The following ATP10B variants were observed in gnomAD, a reference collection of about 807,000 sequenced individuals.
The protein encoded by ATP10B is ATPase phospholipid transporting 10B (putative).
A neutral mutation model predicts 141.2 loss-of-function variants in ATP10B; 122 were observed. That is an observed-to-expected ratio of 0.86 (90% CI 0.75 to 1.00). The LOEUF is 1.00. Among genes scored for constraint, ATP10B ranks in the 50% least tolerant of loss-of-function variants. ATP10B has a pLI of 0.00. For synonymous variants in ATP10B, 685 were observed against 692.0 expected (o/e 0.99, Z 0.16); for missense variants, 1,876 against 1,825.3 (o/e 1.03, Z -0.51).
chr5:160,896,236 C>A, the ATP10B span, among the ~76,000 whole-genome samples: 1 of 66,964 alleles, frequency 1.5e-5, no homozygotes, highest in African/African-American at 3.3e-5. Flanking sequence ...AACAAAAACC[C>A]TTCAAAAAAA....
chr5:160,792,450 T>G (rs1771645804), intron 1 of ATP10B, among the ~76,000 whole-genome samples: 1 of 152,188 alleles, frequency 6.6e-6, no homozygotes, highest in Admixed American at 6.5e-5. Flanking sequence ...CGTGGAACCA[T>G]GTGACTGTGT....
At chr5:160,621,520 G>C (rs1758350558) in intron 14 of ATP10B, among the ~76,000 whole-genome samples, 1 of 152,182 alleles carries the variant, frequency 6.6e-6, no homozygotes, top group East Asian at 1.9e-4. Context: ...TCTTAAAAAT[G>C]AATTAATTTT....
chr5:160,771,519 C>A (rs970424357), intron 2 of ATP10B, among the ~76,000 whole-genome samples: 1 of 152,088 alleles, frequency 6.6e-6, no homozygotes, highest in Non-Finnish European at 1.5e-5. Context: ...GGTATATGTC[C>A]TTAAAAAATT....
chr5:160,828,459 CTCA>C (rs1177057309), intron 1 of ATP10B, among the ~76,000 whole-genome samples: 6 of 152,018 alleles, frequency 3.9e-5, no homozygotes, highest in African/African-American at 1.2e-4. Context: ...TAAAAAAATG[CTCA>C]TCATCACTAG....
intron 2 of ATP10B, among the ~76,000 whole-genome samples, chr5:160,755,620 C>T (rs1199353909): frequency 1.3e-5 from 2 of 149,272 alleles, no homozygotes; most frequent in Non-Finnish European, 3.0e-5. Flanking sequence ...TCGAGACCAT[C>T]CCGGCTAAAA....
At chr5:160,842,967 A>G (rs1157114350) in intron 1 of ATP10B, among the ~76,000 whole-genome samples, 3 of 152,198 alleles carry the variant, frequency 2.0e-5, no homozygotes, top group African/African-American at 7.2e-5. Flanking sequence ...GAGCATTGAT[A>G]CCAAAAGCAG....
chr5:160,880,673 G>T, the ATP10B span, among the ~76,000 whole-genome samples: 1 of 152,048 alleles, frequency 6.6e-6, no homozygotes, highest in African/African-American at 2.4e-5. Flanking sequence ...TGACAAATGA[G>T]CAAATATAAT....
chr5:160,628,661 A>G (rs746272910), intron 13 of ATP10B, among the ~76,000 whole-genome samples: 3 of 152,180 alleles, frequency 2.0e-5, no homozygotes, highest in African/African-American at 2.4e-5. Flanking sequence ...ACTGGCCCCA[A>G]TACAAATTTT....
chr5:160,699,268 A>T (rs1764545653), intron 3 of ATP10B, among the ~76,000 whole-genome samples: 1 of 152,230 alleles, frequency 6.6e-6, no homozygotes. Flanking sequence ...CAGAAATGTG[A>T]TTTCACTTAA....
intron 1 of ATP10B, among the ~76,000 whole-genome samples, chr5:160,849,743 GT>G (rs945262607): frequency 4.6e-5 from 7 of 151,654 alleles, no homozygotes; most frequent in African/African-American, 9.7e-5. Context: ...TCCAAAGCCC[GT>G]TTTTTTTCTA....
At chr5:160,653,959 G>T (rs1179662845) in intron 7 of ATP10B, among the ~76,000 whole-genome samples, 14 of 132,446 alleles carry the variant, frequency 1.1e-4, no homozygotes, top group South Asian at 4.6e-4. Context: ...ATAAATATAT[G>T]TTGTATATAC....
chr5:160,685,867 TC>T (rs1475540959), intron 6 of ATP10B, among the ~76,000 whole-genome samples: 1 of 152,080 alleles, frequency 6.6e-6, no homozygotes, highest in African/African-American at 2.4e-5. Flanking sequence ...CCACTAGATG[TC>T]AGTAGTACCC....
At chr5:160,653,172 T>A (rs971203435) in intron 7 of ATP10B, among the ~76,000 whole-genome samples, 1 of 131,028 alleles carries the variant, frequency 7.6e-6, no homozygotes, top group Non-Finnish European at 1.5e-5. Context: ...ATATATTATA[T>A]ATACAATATA....
intron 25 of ATP10B, 71 bp from the exon 26 acceptor site, chr5:160,565,971 A>G: frequency 7.0e-7 from 1 of 1,421,556 alleles, no homozygotes; most frequent in Admixed American, 2.2e-5. Flanking sequence ...ATTAAAAGAT[A>G]GTCTTTAGAA....
In ATP10B at chr5:160,589,628, T is replaced by C; in HGVS notation, c.3714A>G (p.Thr1238=). ...TTTCCATTGCCTGGTGCAAAAGGAT[T>C]GTGGTGAGGGAGATGGTGTTGATTG... ...GTPINTISLT[T]ILLHQAMEMK... Residue 1238 remains threonine (T), a synonymous_variant, in exon 24 of 26, where the codon ACA becomes ACG. Coordinates refer to ENST00000327245, the MANE Select transcript of ATP10B (RefSeq NM_025153.3). The C allele has an allele frequency of 6.2e-7, 1 of 1,614,012 alleles. No homozygotes were observed. The highest frequency in any genetic ancestry group is 1.7e-5 in the Admixed American group (1 of 60,024).
rs117979778 is a variant in ATP10B, at chr5:160,687,785, C to G, written c.275+15G>C. On this transcript the variant is annotated intron_variant, in intron 5 of 25. Transcript: ENST00000327245. Reference sequence around the variant, plus strand: ...TTCTCTAAAAAGAGTATTGTTCAGACAAGTGGATCTCTACCTATGAAATTG... The same window carrying G: ...TTCTCTAAAAAGAGTATTGTTCAGAGAAGTGGATCTCTACCTATGAAATTG... The G allele has an allele frequency of 6.2e-7, 1 of 1,609,934 alleles. No individual in the cohort carries two copies. The highest frequency in any genetic ancestry group is 2.2e-5 in the East Asian group (1 of 44,858).
chr5:160,670,500 AG>A lies in ATP10B; in HGVS notation c.637del (p.Leu213SerfsTer7). The A allele has an allele frequency of 6.2e-7, 1 of 1,613,944 alleles. No homozygotes were observed. Among genetic ancestry groups the A allele is most frequent in the South Asian group, 1.1e-5 (1 of 91,066 alleles). ...GCCCTTCACGACACATCTTTGCTTG[AG>A]GTTTGTCTCTCCATCCAAGCTGGCA... ...ETASLDGETN[L>X]KQRCVVKGFS... On this transcript the variant is annotated frameshift_variant, in exon 7 of 26. Transcript: ENST00000327245. LOFTEE classifies it high-confidence loss of function.
intron 24 of ATP10B, among the ~76,000 whole-genome samples, chr5:160,570,017 T>G (rs1343899933): frequency 1.3e-5 from 2 of 152,124 alleles, no homozygotes; most frequent in South Asian, 4.1e-4. Flanking sequence ...CGTATGACTT[T>G]TTGTTTTTTT....
rs369524873 is a variant in ATP10B, at chr5:160,612,738, C to T, written c.2838+3G>A. 8 of 1,608,228 alleles carry T rather than the reference C, an allele frequency of 5.0e-6. No individual in the cohort carries two copies. Among genetic ancestry groups the T allele is most frequent in the Middle Eastern group, 1.6e-4 (1 of 6,070 alleles). ...CAGATATCAATACAGAGAATCACCT[C>T]ACCTGATTCTCTGTATTGATGGTAT... On this transcript the variant is annotated splice_donor_region_variant and intron_variant, in intron 18 of 25. Coordinates refer to ENST00000327245, the MANE Select transcript of ATP10B (RefSeq NM_025153.3).
Sources: allele counts gnomAD v4.1 joint callset (sites outside exome capture counted in the v4.1 genomes callset), GRCh38; gene constraint gnomAD v4.1.1; transcripts MANE v1.5; gene names NCBI Gene and HGNC (gene_info 2026-07-23, HGNC 2026-07-21).